The following ZFP36L1 variants were observed in gnomAD, a reference collection of about 807,000 sequenced individuals.
The protein encoded by ZFP36L1 is ZFP36 like 1 zinc finger CCCH-type.
ZFP36L1 carries 4 observed loss-of-function variants against 16.7 expected under a neutral mutation model. The observed-to-expected ratio is 0.24, with a 90% confidence interval of 0.12 to 0.55. ZFP36L1 has a LOEUF of 0.55. Ranked by LOEUF, ZFP36L1 falls within the 20% of genes least tolerant of loss-of-function variation. The pLI, the probability that ZFP36L1 is intolerant of heterozygous loss-of-function variation, is 0.94. For synonymous variants in ZFP36L1, 220 were observed against 190.8 expected (o/e 1.15, Z -1.26); for missense variants, 311 against 449.2 (o/e 0.69, Z 2.78).
upstream of ZFP36L1, chr14:68,795,668 A>C: frequency 1.2e-5 from 5 of 414,786 alleles, no homozygotes; most frequent in South Asian, 7.3e-5. Context: ...GGGCTCCGCA[A>C]GGCTGCGACT....
At chr14:68,792,539 A>G (rs1895116740) in intron 1 of ZFP36L1, among the ~76,000 whole-genome samples, 1 of 152,130 alleles carries the variant, frequency 6.6e-6, no homozygotes, top group Middle Eastern at 3.4e-3. Context: ...AGACCAGCAA[A>G]CCTGGGATCC....
rs1421608448 is a variant in ZFP36L1 at position 68,792,909 on chromosome 14, G to A, written c.30C>T (p.Ile10=). The A allele has an allele frequency of 6.2e-7, 1 of 1,614,136 alleles. No individual in the cohort carries two copies. ...TGCATAAAACTTCGCTCAAGTCGAA[G>A]ATGGTGGCAGACACGAGGGTGGTGG... MTTTLVSAT[I]FDLSEVLCKG... The change falls in exon 1 of 2, where the codon ATC becomes ATT. Residue 10 remains isoleucine (I), a synonymous_variant. Transcript: ENST00000439696.
intron 1 of ZFP36L1, among the ~76,000 whole-genome samples, chr14:68,792,596 C>T (rs543801143): frequency 5.3e-5 from 8 of 152,182 alleles, no homozygotes; most frequent in South Asian, 2.1e-4. Flanking sequence ...TGTCCCAATC[C>T]CAGCCCTCCC....
chr14:68,791,279 C>A, intron 1 of ZFP36L1: 1 of 546,536 alleles, frequency 1.8e-6, no homozygotes, highest in Admixed American at 3.4e-5. Context: ...TGGATAAGAG[C>A]TCCAGTGTTT....
chr14:68,791,104 A>G, intron 1 of ZFP36L1: 1 of 696,718 alleles, frequency 1.4e-6, no homozygotes, highest in African/African-American at 1.8e-5. Context: ...AGGTTGGGGG[A>G]GACAGGGATG....
chr14:68,792,872 C>G lies in ZFP36L1; in HGVS notation c.57+10G>C. On this transcript the variant is annotated intron_variant, in intron 1 of 1. Coordinates refer to ENST00000439696, the MANE Select transcript of ZFP36L1 (RefSeq NM_004926.4). ...ACTTTTTGAAAAGCAAATGCTCCGC[C>G]CCCCTTTACCTTGCATAAAACTTCG... 1 of 1,614,082 alleles carries G rather than the reference C, an allele frequency of 6.2e-7. No individual in the cohort carries two copies. The highest frequency in any genetic ancestry group is 1.3e-5 in the African/African-American group (1 of 75,030).
chr14:68,794,934 C>A (rs1267365020), upstream of ZFP36L1, among the ~76,000 whole-genome samples: 4 of 152,336 alleles, frequency 2.6e-5, no homozygotes, highest in East Asian at 3.9e-4. Flanking sequence ...GGATGGCCCC[C>A]ACTTTAACTC....
rs1337446243 is a variant in ZFP36L1 at position 68,792,986 on chromosome 14, G to C, written c.-48C>G. On this transcript the variant is annotated 5_prime_UTR_variant, in exon 1 of 2. Transcript: ENST00000439696. The stretch of plus-strand genomic sequence containing the variant: ...GGGCGAGGATCTGGTGTGTCGCGAA[G>C]GTCCCGGTGCGGGGAAGGCGCAGCC... 1 of 1,612,146 alleles carries C rather than the reference G, an allele frequency of 6.2e-7. No individual in the cohort carries two copies. Among genetic ancestry groups the C allele is most frequent in the Non-Finnish European group, 8.5e-7 (1 of 1,179,692 alleles).
At chr14:68,793,851 G>C, upstream of ZFP36L1, 5 of 984,684 alleles carry the variant, frequency 5.1e-6, no homozygotes, top group Non-Finnish European at 6.0e-6. Flanking sequence ...GCGGGGGCGA[G>C]CGCGGCACAA....
intron 1 of ZFP36L1, among the ~76,000 whole-genome samples, chr14:68,792,495 G>A (rs183117646): frequency 2.0e-5 from 3 of 152,276 alleles, no homozygotes; most frequent in Admixed American, 1.3e-4. Flanking sequence ...TAATGCCGCT[G>A]GACAGACCTA....
intron 1 of ZFP36L1, 106 bp downstream of exon 1, chr14:68,792,776 C>G (rs1367615514): frequency 1.4e-6 from 2 of 1,470,198 alleles, no homozygotes; most frequent in African/African-American, 1.4e-5. Flanking sequence ...AATCATCTCG[C>G]TGCACCACTT....
chr14:68,790,733 A>G (rs1216440700), intron 1 of ZFP36L1, among the ~76,000 whole-genome samples: 1 of 151,806 alleles, frequency 6.6e-6, no homozygotes, highest in African/African-American at 2.4e-5. Context: ...CTCCATGCTG[A>G]CTCCTGCAAT....
rs1385429723 is a variant in ZFP36L1, at chr14:68,787,912, G to C, written c.*1621C>G. 6.8e-6 allele frequency: 1 copy of C among 147,946 alleles called. No homozygotes were observed. The highest frequency in any genetic ancestry group is 1.5e-5 in the Non-Finnish European group (1 of 66,954). 9.2% of individuals were successfully genotyped at this position (147,946 alleles called of 1,614,324 possible). A position where few individuals can be genotyped will look rare whatever the true frequency, so the allele number is the denominator to read the frequency against. On this transcript the variant is annotated 3_prime_UTR_variant, in exon 2 of 2. Transcript: ENST00000439696. Reference sequence around the variant, plus strand: ...GTGGAATGTCTTGAGATGGGCACGTGGAAGTCAAAGGGTTTCTCTTTTTTT... The same window carrying C: ...GTGGAATGTCTTGAGATGGGCACGTCGAAGTCAAAGGGTTTCTCTTTTTTT...
rs1895036894 is a variant in ZFP36L1, at chr14:68,790,378, G to A, written c.172C>T (p.Pro58Ser). ...GFPRRHSVTL[P>S]SSKFHQNQLL... is the part of the protein sequence containing the mutation. ...TGGTTCTGGTGGAACTTGGAGCTGG[G>A]CAGGGTGACTGAGTGCCTCCGAGGG... Residue 58 changes from proline (P) to serine (S), a missense_variant, in exon 2 of 2, where the codon CCC (proline) becomes TCC (serine). Physicochemically the swap from Pro to Ser is moderately conservative, Grantham distance 74 (BLOSUM62 -1). This residue lies in a region of ZFP36L1 where 137 missense variants were observed against 142.6 expected (regional missense o/e 0.96). Transcript: ENST00000439696. 3 of 1,613,700 alleles carry A rather than the reference G, an allele frequency of 1.9e-6. No individual in the cohort carries two copies. Among genetic ancestry groups the A allele is most frequent in the Non-Finnish European group, 2.5e-6 (3 of 1,179,884 alleles).
intron 1 of ZFP36L1, among the ~76,000 whole-genome samples, chr14:68,792,236 G>C (rs1208504258): frequency 1.4e-5 from 2 of 140,848 alleles, no homozygotes; most frequent in Middle Eastern, 3.5e-3. Context: ...CGGCAACACA[G>C]GTAAGCGGGT....
chr14:68,790,594 A>G, intron 1 of ZFP36L1, 102 bp from the exon 2 acceptor site: 1 of 1,477,578 alleles, frequency 6.8e-7, no homozygotes, highest in East Asian at 2.4e-5. Context: ...TCTTTCTCAA[A>G]GAACTCATCT....
chr14:68,792,015 A>C (rs1368005842), intron 1 of ZFP36L1, among the ~76,000 whole-genome samples: 1 of 152,188 alleles, frequency 6.6e-6, no homozygotes, highest in Admixed American at 6.5e-5. Context: ...AAGAAATTTA[A>C]CAACATCCAT....
chr14:68,793,601 T>G (rs1239304208), upstream of ZFP36L1: 1 of 985,902 alleles, frequency 1.0e-6, no homozygotes, highest in Non-Finnish European at 1.2e-6. Flanking sequence ...GGTTTCCATC[T>G]TGAGCTGGCG....
upstream of ZFP36L1, chr14:68,793,673 C>A: frequency 1.0e-6 from 1 of 985,562 alleles, no homozygotes; most frequent in Non-Finnish European, 1.2e-6. Flanking sequence ...CTCTTCGACA[C>A]TCGGCTCCCT....
Sources: allele counts gnomAD v4.1 joint callset (sites outside exome capture counted in the v4.1 genomes callset), GRCh38; gene constraint gnomAD v4.1.1; regional missense constraint gnomAD v4.1.1; transcripts MANE v1.5; gene names NCBI Gene and HGNC (gene_info 2026-07-23, HGNC 2026-07-21).